Variants in MYCBP2 observed in about 807,000 individuals in gnomAD.
MYCBP2 encodes E3 ubiquitin-protein ligase MYCBP2.
MYCBP2 carries 120 observed loss-of-function variants against 525.3 expected under a neutral mutation model. The ratio of observed to expected loss-of-function variants is 0.23; its 90% CI spans 0.20 to 0.27. The LOEUF is 0.27. Ranked by LOEUF, MYCBP2 falls within the 10% of genes least tolerant of loss-of-function variation. The pLI is 1.00. For missense variants in MYCBP2, 4,149 were observed against 5,657.1 expected (o/e 0.73, Z 8.55); for synonymous variants, 1,894 against 1,955.8 (o/e 0.97, Z 0.83).
intron 46 of MYCBP2, among the ~76,000 whole-genome samples, chr13:77,154,164 T>G (rs1296579490): frequency 6.6e-6 from 1 of 152,176 alleles, no homozygotes; most frequent in Non-Finnish European, 1.5e-5. Context: ...TGTTTCCAGC[T>G]AATATAATAT....
At chr13:77,208,403 T>C (rs574170110) in intron 23 of MYCBP2, among the ~76,000 whole-genome samples, 1 of 152,354 alleles carries the variant, frequency 6.6e-6, no homozygotes, top group East Asian at 1.9e-4. Context: ...AAACTCTGTG[T>C]GTAGATACCT....
At chr13:77,257,918 T>G (rs1211873313) in intron 13 of MYCBP2, 89 bp from the exon 14 acceptor site, 1 of 1,053,914 alleles carries the variant, frequency 9.5e-7, no homozygotes, top group African/African-American at 1.7e-5. Flanking sequence ...ACCGTTTATT[T>G]CTGGGGCAAA....
rs1209939503 is a variant in MYCBP2 at position 77,067,818 on chromosome 13, C to T, written c.12218G>A (p.Arg4073His). 2.0e-5 allele frequency: 32 copies of T among 1,613,924 alleles called. No individual in the cohort carries two copies. Among genetic ancestry groups the T allele is most frequent in the African/African-American group, 5.3e-5 (4 of 74,894 alleles). Reference protein sequence around the residue: ...RRVLPEVTPSRLASIIGVKSL... With the variant: ...RRVLPEVTPSHLASIIGVKSL... ...TTTCACTCCTATGATGCTGGCCAGACGACTAGGGGTTACTTCAGGCAAAAC... is the reference window on the plus strand; with the variant it reads ...TTTCACTCCTATGATGCTGGCCAGATGACTAGGGGTTACTTCAGGCAAAAC... The change falls in exon 71 of 83, where the codon CGT becomes CAT. Residue 4073 changes from arginine (R) to histidine (H), a missense_variant. Coordinates refer to ENST00000544440, the MANE Select transcript of MYCBP2 (RefSeq NM_015057.5).
In MYCBP2 at chr13:77,294,131, C is replaced by CATATATATATATATATATACATACAT; in HGVS notation, c.378+2467_378+2468insATGTATGTATATATATATATATATAT. Among the ~76,000 whole-genome samples the CATATATATATATATATATACATACAT allele has an allele frequency of 3.3e-4, 22 of 65,710 alleles. 2 individuals are homozygous for CATATATATATATATATATACATACAT. Among genetic ancestry groups the CATATATATATATATATATACATACAT allele is most frequent in the Non-Finnish European group, 4.2e-4 (14 of 33,402 alleles). 43.1% of individuals were successfully genotyped at this position (65,710 alleles called of 152,430 possible). A position where few individuals can be genotyped will look rare whatever the true frequency, so the allele number is the denominator to read the frequency against. On this transcript the variant is annotated intron_variant, in intron 2 of 82. Transcript: ENST00000544440. ...ATATATATATATATATATATATATA[C>CATATATATATATATATATACATACAT]ATATATATATACATATATATAAAAT... is the stretch of plus-strand genomic sequence containing the variant.
chr13:77,089,465 G>A (rs932893709), intron 60 of MYCBP2, among the ~76,000 whole-genome samples: 3 of 152,028 alleles, frequency 2.0e-5, no homozygotes, highest in Admixed American at 6.6e-5. Flanking sequence ...AAAGTCTTCA[G>A]TAAGATAACT....
At chr13:77,209,422 T>C (rs2063717692) in intron 23 of MYCBP2, among the ~76,000 whole-genome samples, 2 of 152,240 alleles carry the variant, frequency 1.3e-5, no homozygotes, top group Admixed American at 6.5e-5. Flanking sequence ...AAATAAAACA[T>C]GTAAGAACTA....
intron 3 of MYCBP2, among the ~76,000 whole-genome samples, chr13:77,283,914 C>A (rs1567151981): frequency 6.6e-6 from 1 of 152,074 alleles, no homozygotes; most frequent in South Asian, 2.1e-4. Flanking sequence ...AAAATAAAAA[C>A]AAAAATAATA....
chr13:77,125,260 A>G, intron 54 of MYCBP2, 76 bp downstream of exon 54: 1 of 1,506,922 alleles, frequency 6.6e-7, no homozygotes, highest in Non-Finnish European at 9.0e-7. Context: ...CTTTAAAACA[A>G]AAGCAATACA....
chr13:77,270,344 G>T lies in MYCBP2; in HGVS notation c.1140C>A (p.Cys380Ter). The T allele has an allele frequency of 1.2e-6, 2 of 1,613,290 alleles. No individual in the cohort carries two copies. The highest frequency in any genetic ancestry group is 1.7e-6 in the Non-Finnish European group (2 of 1,179,620). ...AGCCTATTTTATATAATCCATCCTT[G>T]CATAATAGATAAAGAAAAAATCCAT... ...QNDGFFLYLLCKDGLYKIGSG... is the reference protein window; with the variant it reads ...QNDGFFLYLL Residue 380 changes from cysteine (C) to a stop codon, truncating the protein, a stop_gained, in exon 6 of 83, where the codon TGC becomes TGA. Transcript: ENST00000544440. LOFTEE classifies it high-confidence loss of function.
chr13:77,139,062 A>C, intron 52 of MYCBP2, 134 bp downstream of exon 52: 1 of 1,010,220 alleles, frequency 9.9e-7, no homozygotes, highest in South Asian at 2.2e-5. Flanking sequence ...GAAGCCCTTA[A>C]GAATTCAAGA....
intron 30 of MYCBP2, 45 bp downstream of exon 30, chr13:77,188,897 AAATGTATCT>A: frequency 8.1e-7 from 1 of 1,236,668 alleles, no homozygotes; most frequent in Non-Finnish European, 1.1e-6. Context: ...CTAAACATCA[AAATGTATCT>A]GAGGACTGAA....
At chr13:77,169,540 G>T (rs1455620689) in intron 39 of MYCBP2, 74 bp downstream of exon 39, 2 of 1,326,232 alleles carry the variant, frequency 1.5e-6, no homozygotes, top group East Asian at 2.5e-5. Context: ...TTTTTGTAAA[G>T]ACAAGACACA....
intron 82 of MYCBP2, among the ~76,000 whole-genome samples, chr13:77,046,789 C>A (rs2035643773): frequency 6.6e-6 from 1 of 152,206 alleles, no homozygotes; most frequent in South Asian, 2.1e-4. Context: ...GCACAGACCT[C>A]AGGATGGGTC....
chr13:77,172,019 G>A (rs1173058790), intron 37 of MYCBP2, among the ~76,000 whole-genome samples: 2 of 152,026 alleles, frequency 1.3e-5, no homozygotes, highest in Non-Finnish European at 2.9e-5. Context: ...TCCTCCCTCG[G>A]CCTCCCAAAT....
At chr13:77,211,930 G>A (rs752266390) in intron 22 of MYCBP2, 26 bp downstream of exon 22, 6 of 1,534,682 alleles carry the variant, frequency 3.9e-6, no homozygotes, top group Non-Finnish European at 5.4e-6. Context: ...AGTTTGGAAG[G>A]GGCATTTGTT....
chr13:77,286,632 T>G (rs1467322647), intron 3 of MYCBP2, among the ~76,000 whole-genome samples: 2 of 147,520 alleles, frequency 1.4e-5, no homozygotes. Flanking sequence ...GGCAGGTGCC[T>G]GTAGTCCCAG....
At chr13:77,304,152 G>T (rs905557908) in intron 1 of MYCBP2, among the ~76,000 whole-genome samples, 1 of 152,056 alleles carries the variant, frequency 6.6e-6, no homozygotes, top group African/African-American at 2.4e-5. Context: ...AAAAAAATCC[G>T]TATGTTGAAA....
In MYCBP2 at chr13:77,260,464, T is replaced by C. The variant is rs1487479958; in HGVS notation, c.1981A>G (p.Met661Val). 3.1e-6 allele frequency: 5 copies of C among 1,607,856 alleles called. No individual in the cohort carries two copies. The highest frequency in any genetic ancestry group is 4.2e-6 in the Non-Finnish European group (5 of 1,178,188). The change falls in exon 13 of 83, where the codon ATG becomes GTG. Residue 661 changes from methionine to valine, a missense_variant. Coordinates refer to ENST00000544440, the MANE Select transcript of MYCBP2 (RefSeq NM_015057.5). ...SVISKDGELYMFGKDAIYSDS... is the reference protein window; with the variant it reads ...SVISKDGELYVFGKDAIYSDS... ...GAGTAAATGGCATCTTTTCCAAACATGTAGAGTTCTCCATCTTTAGAAATA... is the reference window on the plus strand; with the variant it reads ...GAGTAAATGGCATCTTTTCCAAACACGTAGAGTTCTCCATCTTTAGAAATA...
chr13:77,218,829 G>A (rs1257249070), intron 20 of MYCBP2, among the ~76,000 whole-genome samples: 2 of 152,132 alleles, frequency 1.3e-5, no homozygotes, highest in Non-Finnish European at 2.9e-5. Flanking sequence ...CACATAGCAG[G>A]AGAGCTCTGC....
Sources: gnomAD v4.1 joint callset for allele counts (sites outside exome capture counted in the v4.1 genomes callset) on GRCh38, gnomAD v4.1.1 for gene constraint, MANE v1.5 for transcripts, NCBI Gene and HGNC (gene_info 2026-07-23, HGNC 2026-07-21) for gene names.